Variants in PRKAG2 observed in about 807,000 individuals in gnomAD.
PRKAG2 encodes the protein 5'-AMP-activated protein kinase subunit gamma-2.
In PRKAG2, 26 loss-of-function variants were observed where a neutral mutation model predicts 69.6. The ratio of observed to expected loss-of-function variants is 0.37; its 90% CI spans 0.27 to 0.52. PRKAG2 has a LOEUF of 0.52. Among genes scored for constraint, PRKAG2 ranks in the 20% least tolerant of loss-of-function variants. The pLI, the probability that PRKAG2 is intolerant of heterozygous loss-of-function variation, is 0.90. For missense variants in PRKAG2, 557 were observed against 740.0 expected, an observed-to-expected ratio of 0.75 and a Z score of 2.87; for synonymous variants, 293 against 285.0, an observed-to-expected ratio of 1.03 and a Z score of -0.28.
rs942027961 is a variant in PRKAG2, at chr7:151,567,818, G to C, written c.1233+898C>G. Among the ~76,000 whole-genome samples the C allele has an allele frequency of 1.3e-5, 2 of 152,182 alleles. No homozygotes were observed. Among genetic ancestry groups the C allele is most frequent in the African/African-American group, 2.4e-5 (1 of 41,448 alleles). The stretch of plus-strand genomic sequence containing the variant: ...GCCCTCTGTGCTTCTGTCAGCAAAA[G>C]GGGTCCCTCAAGCTGCCTCCAGGGC... On this transcript the variant is annotated intron_variant, in intron 11 of 15. Coordinates refer to ENST00000287878, the MANE Select transcript of PRKAG2 (RefSeq NM_016203.4). The surrounding 1 kb of genome is among the most constrained non-coding windows in gnomAD (Gnocchi z 4.2).
intron 3 of PRKAG2, among the ~76,000 whole-genome samples, chr7:151,761,517 C>CA (rs2075410058): frequency 6.6e-6 from 1 of 152,154 alleles, no homozygotes; most frequent in African/African-American, 2.4e-5. Flanking sequence ...GAGGAGGAGT[C>CA]AGTGTCATTT....
intron 1 of PRKAG2, among the ~76,000 whole-genome samples, chr7:151,855,083 C>T (rs2079689192): frequency 3.8e-5 from 2 of 53,084 alleles, no homozygotes; most frequent in Non-Finnish European, 6.8e-5. Context: ...CACCATCCTC[C>T]ACACACACCA....
At chr7:151,875,831 G>T (rs1227176738) in intron 1 of PRKAG2, among the ~76,000 whole-genome samples, 1 of 152,088 alleles carries the variant, frequency 6.6e-6, no homozygotes, top group Non-Finnish European at 1.5e-5. Context: ...CGGGCGGCTG[G>T]CGCGGACGGG....
Position 151,639,951 on chromosome 7 carries a change from CATCT to C in PRKAG2, c.685-7817_685-7814del, listed in dbSNP as rs545504605. ...TCTACCTACCTCCATCCGTTTCTAT[CATCT>C]ATCTATCACCTATTGGCTCTGTCTC... is the stretch of plus-strand genomic sequence containing the variant. On this transcript the variant is annotated intron_variant, in intron 4 of 15. Transcript: ENST00000287878. Among the ~76,000 whole-genome samples the C allele has an allele frequency of 1.5e-4, 23 of 152,284 alleles. No homozygotes were observed. In the South Asian group the frequency reaches 4.8e-3, roughly 32 times the overall value.
intron 1 of PRKAG2, among the ~76,000 whole-genome samples, chr7:151,830,017 A>G (rs2078988322): frequency 6.6e-6 from 1 of 151,272 alleles, no homozygotes; most frequent in Non-Finnish European, 1.5e-5. Flanking sequence ...ACAGAACCAC[A>G]CTTTCTGCGT....
chr7:151,694,369 T>C (rs574552792), intron 3 of PRKAG2, among the ~76,000 whole-genome samples: 21 of 152,350 alleles, frequency 1.4e-4, no homozygotes, highest in African/African-American at 4.6e-4. Context: ...TTAACCACAC[T>C]GCTGTGCAGC....
intron 3 of PRKAG2, among the ~76,000 whole-genome samples, chr7:151,686,597 G>C (rs940830589): frequency 6.6e-6 from 1 of 152,116 alleles, no homozygotes; most frequent in Non-Finnish European, 1.5e-5. Flanking sequence ...CAGCTGCTTT[G>C]AGACCTTGCT....
chr7:151,844,695 GCTCA>G (rs2079389253), intron 1 of PRKAG2, among the ~76,000 whole-genome samples: 1 of 152,190 alleles, frequency 6.6e-6, no homozygotes, highest in Admixed American at 6.5e-5. Context: ...ACTTTCTGTG[GCTCA>G]CTGTCTCTAT....
intron 11 of PRKAG2, among the ~76,000 whole-genome samples, chr7:151,566,767 T>C (rs1218027704): frequency 1.3e-5 from 2 of 152,058 alleles, no homozygotes; most frequent in Non-Finnish European, 2.9e-5. Context: ...ACATAGCGAA[T>C]TCCCTGTTGC....
chr7:151,633,435 A>C (rs1419250050), intron 4 of PRKAG2, among the ~76,000 whole-genome samples: 1 of 152,084 alleles, frequency 6.6e-6, no homozygotes, highest in Non-Finnish European at 1.5e-5. Context: ...AAAGGAAAGA[A>C]AACGCATACA....
chr7:151,695,566 C>T (rs570357104), intron 3 of PRKAG2, among the ~76,000 whole-genome samples: 5 of 152,322 alleles, frequency 3.3e-5, no homozygotes, highest in African/African-American at 7.2e-5. Flanking sequence ...CAGACACCAT[C>T]CCTGCCCTCT....
intron 1 of PRKAG2, among the ~76,000 whole-genome samples, chr7:151,860,129 G>A (rs2079882499): frequency 6.6e-6 from 1 of 152,184 alleles, no homozygotes; most frequent in Admixed American, 6.5e-5. Context: ...CTGCCTATCG[G>A]ATGCTTTCAT....
intron 14 of PRKAG2, among the ~76,000 whole-genome samples, chr7:151,563,151 T>C (rs954082066): frequency 1.3e-5 from 2 of 152,148 alleles, no homozygotes; most frequent in Non-Finnish European, 2.9e-5. Context: ...GTGTTCTATT[T>C]ATGTCATATA....
At chr7:151,783,150 C>T (rs534158890) in intron 2 of PRKAG2, among the ~76,000 whole-genome samples, 18 of 152,222 alleles carry the variant, frequency 1.2e-4, no homozygotes, top group South Asian at 8.3e-4. Context: ...ATAGGATGCC[C>T]GTGGCGTGGA....
chr7:151,735,973 G>A (rs1333670315), intron 3 of PRKAG2: 1 of 1,536,358 alleles, frequency 6.5e-7, no homozygotes. Context: ...TGTTGCTCCT[G>A]AGGCTCCCAA....
chr7:151,793,166 T>C lies in PRKAG2; in HGVS notation c.115-6625A>G, dbSNP rs146759040. ...CCCATTAGACTCAGAATAAGATGCATGTTCTCATCTCCTATCTTCATCATC... is the reference window on the plus strand; with the variant it reads ...CCCATTAGACTCAGAATAAGATGCACGTTCTCATCTCCTATCTTCATCATC... On this transcript the variant is annotated intron_variant, in intron 1 of 15. Coordinates refer to ENST00000287878, the MANE Select transcript of PRKAG2 (RefSeq NM_016203.4). Among the ~76,000 whole-genome samples, 1,310 of 152,302 alleles carry C rather than the reference T, an allele frequency of 8.6e-3. 20 individuals carry two copies. The highest frequency in any genetic ancestry group is 0.03 in the African/African-American group (1,239 of 41,558).
At chr7:151,708,432 A>C (rs998011787) in intron 3 of PRKAG2, among the ~76,000 whole-genome samples, 1 of 152,220 alleles carries the variant, frequency 6.6e-6, no homozygotes, top group Non-Finnish European at 1.5e-5. Flanking sequence ...AAGCAACAAA[A>C]AATAAAAATA....
At chr7:151,775,914 C>CTGGG (rs1314740985) in intron 3 of PRKAG2, among the ~76,000 whole-genome samples, 1 of 152,210 alleles carries the variant, frequency 6.6e-6, no homozygotes, top group East Asian at 1.9e-4. Flanking sequence ...AATCTACAGT[C>CTGGG]TGGGAACCCT....
chr7:151,771,742 T>A lies in PRKAG2; in HGVS notation c.466+9410A>T, dbSNP rs2076032573. Among the ~76,000 whole-genome samples, 1 of 152,224 alleles carries A rather than the reference T, an allele frequency of 6.6e-6. No homozygotes were observed. Among genetic ancestry groups the A allele is most frequent in the Non-Finnish European group, 1.5e-5 (1 of 68,046 alleles). Reference sequence around the variant, plus strand: ...TTCACGTTTATATTGTTGTTTTGTTTCATTTTCTATTTGGAGTGGGAAGCT... The same window carrying A: ...TTCACGTTTATATTGTTGTTTTGTTACATTTTCTATTTGGAGTGGGAAGCT... On this transcript the variant is annotated intron_variant, in intron 3 of 15. Coordinates refer to ENST00000287878, the MANE Select transcript of PRKAG2 (RefSeq NM_016203.4). This position sits in a 1 kb window ranked among gnomAD's most constrained non-coding sequence, Gnocchi z 4.0.
Sources: gnomAD v4.1 joint callset for allele counts (sites outside exome capture counted in the v4.1 genomes callset) on GRCh38, gnomAD v4.1.1 for gene constraint, Gnocchi (gnomAD v3.1) non-coding constraint, MANE v1.5 for transcripts, NCBI Gene and HGNC (gene_info 2026-07-23, HGNC 2026-07-21) for gene names.